Variants in ZFPM2 observed in about 807,000 individuals in gnomAD.
ZFPM2 encodes the protein zinc finger protein, FOG family member 2.
ZFPM2 carries 20 observed loss-of-function variants against 98.6 expected under a neutral mutation model. That is an observed-to-expected ratio of 0.20 (90% confidence interval 0.14 to 0.29). The LOEUF (loss-of-function observed/expected upper bound fraction) is 0.29. Ranked by LOEUF, ZFPM2 falls within the 10% of genes least tolerant of loss-of-function variation. The probability of loss-of-function intolerance (pLI) is 1.00; values close to 1 mark genes in which losing one functional copy is unlikely to be tolerated. For missense variants in ZFPM2, 1,310 were observed against 1,388.6 expected (o/e 0.94, Z 0.90); for synonymous variants, 518 against 502.7 (o/e 1.03, Z -0.41).
intron 1 of ZFPM2, among the ~76,000 whole-genome samples, chr8:105,333,974 C>G (rs1812279939): frequency 6.6e-6 from 1 of 151,354 alleles, no homozygotes; most frequent in Non-Finnish European, 1.5e-5. Context: ...CACTGTATGC[C>G]TCTTAATATT....
intron 4 of ZFPM2, among the ~76,000 whole-genome samples, chr8:105,598,814 T>C (rs954413208): frequency 2.6e-5 from 4 of 152,072 alleles, no homozygotes; most frequent in Non-Finnish European, 4.4e-5. Context: ...GCCTTCTTAC[T>C]TCTAGCAACC....
chr8:105,530,017 A>T (rs560855954), intron 3 of ZFPM2, among the ~76,000 whole-genome samples: 1 of 152,242 alleles, frequency 6.6e-6, no homozygotes, highest in East Asian at 1.9e-4. Flanking sequence ...TCATATACCT[A>T]TGAATATACT....
intron 3 of ZFPM2, among the ~76,000 whole-genome samples, chr8:105,509,950 G>T (rs1373960148): frequency 6.6e-6 from 1 of 152,056 alleles, no homozygotes; most frequent in Non-Finnish European, 1.5e-5. Flanking sequence ...ACACTGATAC[G>T]GTTAGCAGAT....
intron 2 of ZFPM2, among the ~76,000 whole-genome samples, chr8:105,430,872 C>T (rs1335415313): frequency 6.7e-6 from 1 of 149,886 alleles, no homozygotes; most frequent in Non-Finnish European, 1.5e-5. Context: ...GGCCACAGGA[C>T]TCTTTGGCTT....
At position 105,803,142 on chromosome 8, in the gene ZFPM2, C is replaced by T. The variant is rs534751136; in HGVS notation, c.3060C>T (p.Ser1020=). 7 of 1,613,918 alleles carry T rather than the reference C, an allele frequency of 4.3e-6. No individual in the cohort carries two copies. In the African/African-American group the frequency reaches 6.7e-5, roughly 15 times the overall value. Residue 1020 remains serine, a synonymous_variant, in exon 8 of 8, where the codon TCC becomes TCT. Coordinates refer to ENST00000407775, the MANE Select transcript of ZFPM2 (RefSeq NM_012082.4). Reference sequence around the variant, plus strand: ...ATGAATCTCCTAAAGGCCAGGCTTCCTCAAATGGGTGTGCTGCGCTGAAGA... The same window carrying T: ...ATGAATCTCCTAAAGGCCAGGCTTCTTCAAATGGGTGTGCTGCGCTGAAGA... ...AENESPKGQA[S]SNGCAALKKD... is the part of the protein sequence containing the mutation.
intron 5 of ZFPM2, among the ~76,000 whole-genome samples, chr8:105,759,807 A>C (rs1393344272): frequency 6.6e-6 from 1 of 152,010 alleles, no homozygotes; most frequent in African/African-American, 2.4e-5. Flanking sequence ...TTACTGGTGC[A>C]TGCAAAGAGG....
intron 4 of ZFPM2, among the ~76,000 whole-genome samples, chr8:105,606,335 C>T (rs907209741): frequency 1.3e-5 from 2 of 151,764 alleles, no homozygotes; most frequent in African/African-American, 4.8e-5. Context: ...CTTCTATATA[C>T]GTTCAGAAAT....
chr8:105,714,105 C>A (rs1386559155), intron 5 of ZFPM2, among the ~76,000 whole-genome samples: 2 of 151,896 alleles, frequency 1.3e-5, no homozygotes, highest in Admixed American at 6.6e-5. Context: ...GAATGTTTTT[C>A]CATATGTTTG....
At chr8:105,668,511 A>G (rs573121418) in intron 5 of ZFPM2, among the ~76,000 whole-genome samples, 1 of 152,138 alleles carries the variant, frequency 6.6e-6, no homozygotes, top group Non-Finnish European at 1.5e-5. Flanking sequence ...GAAAAAAAAA[A>G]GTGGGGGTAC....
At chr8:105,377,616 A>C (rs1298420765) in intron 1 of ZFPM2, among the ~76,000 whole-genome samples, 4 of 147,410 alleles carry the variant, frequency 2.7e-5, no homozygotes, top group Non-Finnish European at 4.5e-5. Context: ...CCAAAAAAAA[A>C]AAAAAAAAAA....
chr8:105,527,714 A>G (rs1247574946), intron 3 of ZFPM2, among the ~76,000 whole-genome samples: 1 of 152,204 alleles, frequency 6.6e-6, no homozygotes, highest in Non-Finnish European at 1.5e-5. Context: ...AAAGTGTTCC[A>G]GTGTTAGCAC....
chr8:105,359,367 C>CTTTTTTTTTTTTT (rs111675257), intron 1 of ZFPM2, among the ~76,000 whole-genome samples: 2 of 135,358 alleles, frequency 1.5e-5, no homozygotes, highest in African/African-American at 2.7e-5. Context: ...CTTTTTCTTT[C>CTTTTTTTTTTTTT]TTTTTTTTTT....
Position 105,802,667 on chromosome 8 carries a change from G to A in ZFPM2, c.2585G>A (p.Ser862Asn). Residue 862 changes from serine (S) to asparagine (N), a missense_variant, in exon 8 of 8, where the codon AGT (serine) becomes AAT (asparagine). By Grantham distance (46) the Ser-to-Asn change is conservative. Transcript: ENST00000407775. ...CACGAGTGCACTGTGTGCAAGATCAGTTTCAATAAGGTAGAAAACTATCTG... is the reference window on the plus strand; with the variant it reads ...CACGAGTGCACTGTGTGCAAGATCAATTTCAATAAGGTAGAAAACTATCTG... ...DYHECTVCKISFNKVENYLAH... is the reference protein window; with the variant it reads ...DYHECTVCKINFNKVENYLAH... 6.2e-7 allele frequency: 1 copy of A among 1,611,030 alleles called. No individual in the cohort carries two copies. The highest frequency in any genetic ancestry group is 1.1e-5 in the South Asian group (1 of 90,494).
At chr8:105,456,888 A>G (rs1336562836) in intron 3 of ZFPM2, among the ~76,000 whole-genome samples, 1 of 152,058 alleles carries the variant, frequency 6.6e-6, no homozygotes, top group Non-Finnish European at 1.5e-5. Context: ...TAGCCAGGAC[A>G]GTGATCCACC....
intron 3 of ZFPM2, among the ~76,000 whole-genome samples, chr8:105,498,149 G>C (rs62527191): frequency 0.12 from 18,105 of 151,688 alleles, 1,417 homozygotes; most frequent in East Asian, 0.4. Context: ...AATGAGCTTT[G>C]ATCATACCAC....
intron 6 of ZFPM2, among the ~76,000 whole-genome samples, chr8:105,789,376 T>C (rs1310840979): frequency 6.6e-6 from 1 of 152,204 alleles, no homozygotes; most frequent in Non-Finnish European, 1.5e-5. Flanking sequence ...AGAATGATGA[T>C]TTCCAATTTC....
chr8:105,366,304 T>C (rs1333628323), intron 1 of ZFPM2, among the ~76,000 whole-genome samples: 5 of 152,134 alleles, frequency 3.3e-5, no homozygotes, highest in Admixed American at 6.6e-5. Flanking sequence ...TCTTGCTAGG[T>C]AGGGAGAAAT....
intron 6 of ZFPM2, among the ~76,000 whole-genome samples, chr8:105,792,170 A>C (rs1264688993): frequency 2.0e-5 from 3 of 151,898 alleles, no homozygotes; most frequent in Non-Finnish European, 4.4e-5. Context: ...TAGTTCTTTT[A>C]ATTGTGATGT....
chr8:105,790,587 G>T (rs2131141971), intron 6 of ZFPM2, among the ~76,000 whole-genome samples: 1 of 152,028 alleles, frequency 6.6e-6, no homozygotes, highest in East Asian at 1.9e-4. Flanking sequence ...GCTCTTTTTT[G>T]GTTCCATATG....
Sources: allele counts gnomAD v4.1 joint callset (sites outside exome capture counted in the v4.1 genomes callset), GRCh38; gene constraint gnomAD v4.1.1; transcripts MANE v1.5; gene names NCBI Gene and HGNC (gene_info 2026-07-23, HGNC 2026-07-21).